TEX11: variants seen among roughly 807,000 people sequenced by gnomAD.
TEX11 encodes testis-expressed protein 11.
A neutral mutation model predicts 84.4 loss-of-function variants in TEX11; 7 were observed. That is an observed-to-expected ratio of 0.08 (90% CI 0.05 to 0.16). The LOEUF (loss-of-function observed/expected upper bound fraction) is 0.16, where lower values mean the gene tolerates loss of function less well. Ranked by LOEUF, TEX11 falls within the 10% of genes least tolerant of loss-of-function variation. The pLI is 1.00. For missense variants in TEX11, 551 were observed against 660.5 expected (o/e 0.83, Z 1.82); for synonymous variants, 264 against 222.8 (o/e 1.18, Z -1.64).
intron 13 of TEX11, among the ~76,000 whole-genome samples, chrX:70,696,051 T>C (rs1447053844): frequency 9.0e-6 from 1 of 111,617 alleles, no homozygotes; most frequent in Non-Finnish European, 1.9e-5. Flanking sequence ...TGTGCACATA[T>C]AAAGTCACTT....
chrX:70,554,170 C>T (rs2088255747), intron 26 of TEX11, among the ~76,000 whole-genome samples: 1 of 112,033 alleles, frequency 8.9e-6, no homozygotes, highest in Non-Finnish European at 1.9e-5. Context: ...AAAGTTTGGC[C>T]TGAAATTTGA....
intron 2 of TEX11, among the ~76,000 whole-genome samples, chrX:70,906,120 T>A (rs2091832308): frequency 1.8e-5 from 1 of 54,102 alleles, no homozygotes; most frequent in African/African-American, 7.9e-5. Context: ...TATATATATA[T>A]ATATATATAT....
In TEX11 at chrX:70,836,947, G is replaced by T. The variant is rs189524494; in HGVS notation, c.526-3354C>A. Among the ~76,000 whole-genome samples the T allele has an allele frequency of 3.7e-3, 407 of 111,383 alleles. 2 individuals carry two copies. The highest frequency in any genetic ancestry group is 5.4e-3 in the Non-Finnish European group (287 of 53,035). On this transcript the variant is annotated intron_variant, in intron 7 of 29. Transcript: ENST00000374333. ...CAGGAGAATCACTTGAGCCTGGGAG[G>T]CGGAGGTTGCAGTGAGCTGAGATCA...
intron 28 of TEX11, among the ~76,000 whole-genome samples, chrX:70,535,489 A>T (rs2087944697): frequency 1.8e-5 from 2 of 111,696 alleles, no homozygotes. Flanking sequence ...GCTCATGCCT[A>T]TAATCCCAGC....
At chrX:70,751,530 G>A (rs1203132288) in intron 9 of TEX11, among the ~76,000 whole-genome samples, 1 of 106,488 alleles carries the variant, frequency 9.4e-6, no homozygotes, top group African/African-American at 3.4e-5. Flanking sequence ...TATACCTAAT[G>A]TTAAATGACG....
chrX:70,726,967 G>A (rs2090604517), intron 11 of TEX11, among the ~76,000 whole-genome samples: 1 of 111,002 alleles, frequency 9.0e-6, no homozygotes, highest in African/African-American at 3.3e-5. Flanking sequence ...CCAATGTGCT[G>A]GGATTATAGG....
intron 2 of TEX11, among the ~76,000 whole-genome samples, chrX:70,882,219 T>A (rs904726800): frequency 5.4e-5 from 6 of 111,159 alleles, no homozygotes; most frequent in African/African-American, 2.0e-4. Context: ...AGGGAGATTT[T>A]AAAATTGATG....
chrX:70,543,753 G>A (rs1197943762), intron 28 of TEX11, among the ~76,000 whole-genome samples: 1 of 112,185 alleles, frequency 8.9e-6, no homozygotes, highest in Non-Finnish European at 1.9e-5. Context: ...TTTGCAGATA[G>A]TCATGTCTCA....
intron 9 of TEX11, among the ~76,000 whole-genome samples, chrX:70,791,436 G>A (rs965932374): frequency 8.9e-6 from 1 of 111,992 alleles, no homozygotes. Context: ...CACTGACAGC[G>A]TTAGACAGAT....
intron 25 of TEX11, among the ~76,000 whole-genome samples, chrX:70,588,425 T>A (rs936297951): frequency 9.0e-6 from 1 of 111,207 alleles, no homozygotes; most frequent in Non-Finnish European, 1.9e-5. Flanking sequence ...ATCTGATGGT[T>A]TTATAAGGGA....
intron 28 of TEX11, among the ~76,000 whole-genome samples, chrX:70,539,038 A>ATTTTTTTTTTTTT (rs775537536): frequency 4.8e-5 from 2 of 41,255 alleles, no homozygotes; most frequent in African/African-American, 1.8e-4. Flanking sequence ...ATATATATAT[A>ATTTTTTTTTTTTT]TTTTTTTTTT....
chrX:70,608,613 T>C (rs1365676647), intron 22 of TEX11, among the ~76,000 whole-genome samples: 2 of 108,629 alleles, frequency 1.8e-5, no homozygotes, highest in African/African-American at 6.7e-5. Flanking sequence ...TGGTGGCGGG[T>C]GCCTGTAGTC....
chrX:70,810,105 G>A (rs1023935201), intron 8 of TEX11, among the ~76,000 whole-genome samples: 5 of 111,483 alleles, frequency 4.5e-5, no homozygotes, highest in African/African-American at 6.5e-5. Context: ...ACCATCTCAC[G>A]ACAGTTAAAA....
At chrX:70,628,738 G>A (rs1483132954) in intron 18 of TEX11, among the ~76,000 whole-genome samples, 1 of 112,041 alleles carries the variant, frequency 8.9e-6, no homozygotes, top group Non-Finnish European at 1.9e-5. Context: ...CCTGAAGGAA[G>A]AAAAGTATTT....
At chrX:70,712,569 A>T (rs2090447705) in intron 13 of TEX11, among the ~76,000 whole-genome samples, 2 of 111,018 alleles carry the variant, frequency 1.8e-5, no homozygotes, top group South Asian at 3.8e-4. Flanking sequence ...ATGGGAGTTC[A>T]CTCATGATTT....
intron 17 of TEX11, among the ~76,000 whole-genome samples, chrX:70,641,901 C>G (rs2089664438): frequency 9.0e-6 from 1 of 110,864 alleles, no homozygotes; most frequent in Non-Finnish European, 1.9e-5. Context: ...TAACAGAAGG[C>G]AAGAAATAAC....
At chrX:70,808,374 G>A (rs1171678681) in intron 8 of TEX11, among the ~76,000 whole-genome samples, 1 of 107,376 alleles carries the variant, frequency 9.3e-6, no homozygotes, top group East Asian at 2.9e-4. Flanking sequence ...GTGGTGGTGG[G>A]CACCTGTAAT....
chrX:70,830,331 A>T (rs1297911655), intron 8 of TEX11, among the ~76,000 whole-genome samples: 1 of 112,113 alleles, frequency 8.9e-6, no homozygotes, highest in Non-Finnish European at 1.9e-5. Flanking sequence ...AATTTTACAT[A>T]CACATGCACC....
chrX:70,768,963 C>T (rs1220676547), intron 9 of TEX11, among the ~76,000 whole-genome samples: 2 of 111,597 alleles, frequency 1.8e-5, no homozygotes, highest in African/African-American at 6.5e-5. Context: ...TAACAACACA[C>T]GTCTACATAA....
Sources: allele counts gnomAD v4.1 joint callset (sites outside exome capture counted in the v4.1 genomes callset), GRCh38; gene constraint gnomAD v4.1.1; transcripts MANE v1.5; gene names NCBI Gene and HGNC (gene_info 2026-07-23, HGNC 2026-07-21).